Variants in PPFIBP1 observed in about 807,000 individuals in gnomAD.
The protein encoded by PPFIBP1 is PPFIB scaffold protein 1.
PPFIBP1 carries 112 observed loss-of-function variants against 137.8 expected under a neutral mutation model. The observed-to-expected ratio is 0.81, with a 90% CI of 0.70 to 0.95. PPFIBP1 has a LOEUF of 0.95. PPFIBP1 is among the 40% of genes least tolerant of loss of function. The pLI, the probability that PPFIBP1 is intolerant of heterozygous loss-of-function variation, is 0.00. For synonymous variants in PPFIBP1, 378 were observed against 417.3 expected (o/e 0.91, Z 1.15); for missense variants, 1,083 against 1,196.6 (o/e 0.91, Z 1.40).
intron 11 of PPFIBP1, 113 bp downstream of exon 11, chr12:27,661,058 A>G: frequency 1.4e-6 from 2 of 1,439,608 alleles, no homozygotes; most frequent in Non-Finnish European, 9.3e-7. Context: ...GAACACTGCT[A>G]GGAGTGAGGG....
intron 2 of PPFIBP1, among the ~76,000 whole-genome samples, chr12:27,613,575 C>T (rs1432879353): frequency 1.3e-5 from 2 of 151,968 alleles, no homozygotes; most frequent in African/African-American, 4.8e-5. Context: ...TGGTGGCATG[C>T]ACCTGTAATC....
At chr12:27,627,204 T>G (rs777080117) in intron 2 of PPFIBP1, among the ~76,000 whole-genome samples, 1 of 152,354 alleles carries the variant, frequency 6.6e-6, no homozygotes, top group Non-Finnish European at 1.5e-5. Context: ...TCTCTGTTTT[T>G]AAGATAGTTT....
intron 2 of PPFIBP1, among the ~76,000 whole-genome samples, chr12:27,583,468 A>G (rs1368885915): frequency 6.6e-6 from 1 of 152,222 alleles, no homozygotes; most frequent in African/African-American, 2.4e-5. Context: ...CTTATTTTTG[A>G]TAAATTTTTA....
At chr12:27,660,558 C>T (rs1021528815) in intron 10 of PPFIBP1, among the ~76,000 whole-genome samples, 5 of 152,100 alleles carry the variant, frequency 3.3e-5, no homozygotes, top group Non-Finnish European at 5.9e-5. Flanking sequence ...GTTTTAGAAA[C>T]GTTATGTTTT....
intron 2 of PPFIBP1, among the ~76,000 whole-genome samples, chr12:27,612,326 G>GTGT (rs1410120945): frequency 1.1e-5 from 1 of 89,680 alleles, no homozygotes; most frequent in Non-Finnish European, 2.7e-5. Flanking sequence ...TACTTTATTG[G>GTGT]TGTTTTTTTT....
Position 27,692,883 on chromosome 12 carries a change from C to T in PPFIBP1, c.*1C>T, listed in dbSNP as rs1252294272. On this transcript the variant is annotated 3_prime_UTR_variant, in exon 30 of 30. Coordinates refer to ENST00000228425, the MANE Select transcript of PPFIBP1 (RefSeq NM_003622.4). ...TACAGATGAAGACTCAAACGTTTGA[C>T]CGTAGCACCTGGATGAACATTAGGA... 4.3e-6 allele frequency: 7 copies of T among 1,614,068 alleles called. No individual in the cohort carries two copies. The highest frequency in any genetic ancestry group is 5.9e-6 in the Non-Finnish European group (7 of 1,179,976).
In PPFIBP1 at chr12:27,650,025, A is replaced by G. The variant is rs759464631; in HGVS notation, c.487A>G (p.Thr163Ala). The change falls in exon 7 of 30, where the codon ACA becomes GCA. Residue 163 changes from threonine (T) to alanine (A), a missense_variant. By Grantham distance (58) the Thr-to-Ala change is moderately conservative. Transcript: ENST00000228425. The stretch of plus-strand genomic sequence containing the variant: ...ATTATAATAGGAGCTTCTAAGTAGG[A>G]CATCCTTAGAAACTCAGAAGTTGGA... ...EMLQQELLSR[T>A]SLETQKLDLM... 1.1e-5 allele frequency: 18 copies of G among 1,602,532 alleles called. No homozygotes were observed. Among genetic ancestry groups the G allele is most frequent in the Admixed American group, 1.7e-5 (1 of 59,904 alleles).
chr12:27,641,980 A>AATAAATAAATAG (rs1555225027), intron 4 of PPFIBP1, among the ~76,000 whole-genome samples: 38,577 of 143,646 alleles, frequency 0.27, 5,493 homozygotes, highest in Non-Finnish European at 0.31. Flanking sequence ...TAAATAAATA[A>AATAAATAAATAG]ATAGAAGGCT....
rs1188661692 is a variant in PPFIBP1, at chr12:27,594,114, T to C, written c.-36+15875T>C. 4.7e-6 allele frequency: 4 copies of C among 857,998 alleles called. No individual in the cohort carries two copies. In the African/African-American group the frequency reaches 5.3e-5, roughly 11 times the overall value. 53.1% of individuals were successfully genotyped at this position (857,998 alleles called of 1,614,324 possible). On this transcript the variant is annotated intron_variant, in intron 2 of 29. Transcript: ENST00000228425. ...AAAAGAAGAAAAAAGAAAAAGTAGG[T>C]GGGACCGGGGAGAAGAGAATCATGG...
intron 2 of PPFIBP1, among the ~76,000 whole-genome samples, chr12:27,602,443 A>G (rs1429992282): frequency 6.6e-6 from 1 of 152,242 alleles, no homozygotes; most frequent in Non-Finnish European, 1.5e-5. Flanking sequence ...TCTATATTGT[A>G]GCAGATTTCA....
At chr12:27,552,592 T>C (rs955943058) in intron 1 of PPFIBP1, 1 of 152,216 alleles carries the variant, frequency 6.6e-6, no homozygotes, top group Non-Finnish European at 1.5e-5. Context: ...TCCAAATCGA[T>C]GTTTCTCAGG....
At chr12:27,539,732 T>A (rs989343980) in intron 1 of PPFIBP1, among the ~76,000 whole-genome samples, 3 of 152,154 alleles carry the variant, frequency 2.0e-5, no homozygotes, top group African/African-American at 7.2e-5. Flanking sequence ...AGGTAATATA[T>A]GTATCTTATA....
At chr12:27,615,243 C>T (rs61915343) in intron 2 of PPFIBP1, among the ~76,000 whole-genome samples, 5 of 152,270 alleles carry the variant, frequency 3.3e-5, no homozygotes, top group Admixed American at 6.5e-5. Context: ...GGAAAATTCC[C>T]GTGTCGCATG....
intron 4 of PPFIBP1, among the ~76,000 whole-genome samples, chr12:27,645,068 T>C (rs1344188883): frequency 6.6e-6 from 1 of 152,250 alleles, no homozygotes; most frequent in Non-Finnish European, 1.5e-5. Flanking sequence ...AGTAAAGTTA[T>C]ACAGTTTGTA....
intron 1 of PPFIBP1, among the ~76,000 whole-genome samples, chr12:27,525,726 AG>A (rs1943670898): frequency 6.6e-6 from 1 of 152,162 alleles, no homozygotes; most frequent in South Asian, 2.1e-4. Context: ...AAGCCACAAC[AG>A]TAGGTCTAGT....
chr12:27,602,951 C>G (rs139626083), intron 2 of PPFIBP1, among the ~76,000 whole-genome samples: 17 of 152,274 alleles, frequency 1.1e-4, no homozygotes, highest in African/African-American at 3.9e-4. Context: ...TGTGGCCAGG[C>G]TATTGCATGA....
In PPFIBP1 at chr12:27,674,811, ATTTTTTTT is replaced by A. The variant is rs72418237; in HGVS notation, c.1410+604_1410+611del. On this transcript the variant is annotated intron_variant, in intron 17 of 29. Transcript: ENST00000228425. ...ATGTGCTCAATTCTTCTTTCCCCTG[ATTTTTTTT>A]TTTTTTTTTTTTTGAAATGGTATCA... Among the ~76,000 whole-genome samples the A allele has an allele frequency of 4.1e-4, 45 of 108,714 alleles. 2 individuals are homozygous for A. Among genetic ancestry groups the A allele is most frequent in the African/African-American group, 1.6e-3 (45 of 28,028 alleles). 71.3% of individuals were successfully genotyped at this position (108,714 alleles called of 152,430 possible).
At chr12:27,640,699 A>G (rs2058058554) in intron 4 of PPFIBP1, among the ~76,000 whole-genome samples, 1 of 151,682 alleles carries the variant, frequency 6.6e-6, no homozygotes, top group South Asian at 2.1e-4. Context: ...TTCCAGCATC[A>G]CTGATATCAT....
rs375288318 is a variant in PPFIBP1, at chr12:27,556,182, C to T, written c.-123-21970C>T. ...AGCTCGGTGTGGTTTTCTGACTTCCCACATGATTAACTGTAAGATCCCTGC... is the reference window on the plus strand; with the variant it reads ...AGCTCGGTGTGGTTTTCTGACTTCCTACATGATTAACTGTAAGATCCCTGC... On this transcript the variant is annotated intron_variant, in intron 1 of 29. Transcript: ENST00000228425. Among the ~76,000 whole-genome samples, 359 of 152,280 alleles carry T rather than the reference C, an allele frequency of 2.4e-3. 1 individual carries two copies. Among genetic ancestry groups the T allele is most frequent in the Middle Eastern group, 0.02 (6 of 294 alleles).
Sources: gnomAD v4.1 joint callset for allele counts (sites outside exome capture counted in the v4.1 genomes callset) on GRCh38, gnomAD v4.1.1 for gene constraint, MANE v1.5 for transcripts, NCBI Gene and HGNC (gene_info 2026-07-23, HGNC 2026-07-21) for gene names.